The following CACNA2D1 variants were observed in gnomAD, a reference collection of about 807,000 sequenced individuals.
CACNA2D1 encodes the protein calcium voltage-gated channel auxiliary subunit alpha2delta 1.
Under a neutral mutation model 171.5 loss-of-function variants are expected in CACNA2D1, and 53 were observed. The observed-to-expected ratio is 0.31, with a 90% CI of 0.25 to 0.39. CACNA2D1 has a LOEUF of 0.39. CACNA2D1 is among the 10% of genes least tolerant of loss of function. CACNA2D1 has a pLI of 1.00. For missense variants in CACNA2D1, 903 were observed against 1,299.8 expected, an observed-to-expected ratio of 0.69 and a Z score of 4.69; for synonymous variants, 442 against 443.1, an observed-to-expected ratio of 1.00 and a Z score of 0.03.
chr7:82,326,745 C>A lies in CACNA2D1; in HGVS notation c.294+8390G>T, dbSNP rs1456511175. 1.4e-5 allele frequency among the ~76,000 whole-genome samples: 2 copies of A among 145,404 alleles called. 1 individual carries two copies. Among genetic ancestry groups the A allele is most frequent in the African/African-American group, 4.9e-5 (2 of 40,462 alleles). On this transcript the variant is annotated intron_variant, in intron 3 of 38. Transcript: ENST00000356860. ...CTTCTTGTTTCTCCACTGTTCCTTA[C>A]AAACTTACACTTTATCCACATAAAA...
At chr7:82,302,456 G>A (rs1268151984) in intron 3 of CACNA2D1, among the ~76,000 whole-genome samples, 1 of 150,624 alleles carries the variant, frequency 6.6e-6, no homozygotes, top group East Asian at 2.0e-4. Flanking sequence ...TGATGCCCAG[G>A]CTGGAGTGCA....
chr7:82,410,729 T>C (rs1056152929), intron 1 of CACNA2D1, among the ~76,000 whole-genome samples: 8 of 152,210 alleles, frequency 5.3e-5, no homozygotes, highest in Admixed American at 1.3e-4. Context: ...GCAGAATGAA[T>C]TCTTAACACT....
At chr7:82,186,239 G>GAAGA (rs1797746644) in intron 3 of CACNA2D1, among the ~76,000 whole-genome samples, 3 of 109,282 alleles carry the variant, frequency 2.7e-5, no homozygotes, top group South Asian at 3.4e-4. Flanking sequence ...GAGAAGGAAG[G>GAAGA]AAGGAAGGAA....
intron 3 of CACNA2D1, among the ~76,000 whole-genome samples, chr7:82,191,638 T>C (rs1391712119): frequency 6.6e-6 from 1 of 151,706 alleles, no homozygotes; most frequent in African/African-American, 2.4e-5. Context: ...TATTTTTAAA[T>C]CAAAGGAAAA....
intron 3 of CACNA2D1, among the ~76,000 whole-genome samples, chr7:82,327,651 G>A (rs546807399): frequency 6.6e-6 from 1 of 152,260 alleles, no homozygotes; most frequent in East Asian, 1.9e-4. Flanking sequence ...ATGTGGTAGA[G>A]GTCTATGGCC....
intron 3 of CACNA2D1, among the ~76,000 whole-genome samples, chr7:82,263,972 T>C (rs1807478989): frequency 6.6e-6 from 1 of 152,152 alleles, no homozygotes; most frequent in Non-Finnish European, 1.5e-5. Flanking sequence ...GAAAATATTC[T>C]AGTTTAACAT....
intron 2 of CACNA2D1, among the ~76,000 whole-genome samples, chr7:82,336,693 A>G (rs1403040999): frequency 6.6e-6 from 1 of 152,226 alleles, no homozygotes; most frequent in African/African-American, 2.4e-5. Flanking sequence ...CATCCAATGC[A>G]AAGCTTTCTC....
chr7:82,101,452 T>C (rs571656354), intron 6 of CACNA2D1, among the ~76,000 whole-genome samples: 63 of 152,270 alleles, frequency 4.1e-4, no homozygotes, highest in African/African-American at 1.5e-3. Flanking sequence ...CAGATGGAAG[T>C]AATAAGACAA....
At position 82,434,804 on chromosome 7, in the gene CACNA2D1, G is replaced by A. The variant is rs964517267; in HGVS notation, c.95+8561C>T. On this transcript the variant is annotated intron_variant, in intron 1 of 38. Coordinates refer to ENST00000356860, the MANE Select transcript of CACNA2D1 (RefSeq NM_000722.4). ...GAAACCATGCTTCTGTCCCTGACAC[G>A]CTACTTAGACTTCTTTCTTTCATCA... Among the ~76,000 whole-genome samples, 5 of 152,092 alleles carry A rather than the reference G, an allele frequency of 3.3e-5. No homozygotes were observed. The East Asian group carries it at 5.8e-4, about 18-fold the overall frequency.
intron 3 of CACNA2D1, among the ~76,000 whole-genome samples, chr7:82,287,917 G>A (rs1304869646): frequency 6.6e-6 from 1 of 151,336 alleles, no homozygotes; most frequent in African/African-American, 2.4e-5. Flanking sequence ...TGCAAGCTCC[G>A]CCTCCCGGGT....
chr7:81,993,744 A>G (rs1797781598), intron 20 of CACNA2D1, among the ~76,000 whole-genome samples: 1 of 152,140 alleles, frequency 6.6e-6, no homozygotes, highest in African/African-American at 2.4e-5. Flanking sequence ...TCTATTTACA[A>G]TAGTGTGTTC....
In CACNA2D1 at chr7:82,081,638, T is replaced by C. The variant is rs113406854; in HGVS notation, c.658+3131A>G. Reference sequence around the variant, plus strand: ...TATTGTGAGTGGGCACATGGTTGCTTCCACAGCTAATGTTTTGGAAAGACT... The same window carrying C: ...TATTGTGAGTGGGCACATGGTTGCTCCCACAGCTAATGTTTTGGAAAGACT... On this transcript the variant is annotated intron_variant, in intron 7 of 38. Transcript: ENST00000356860. Among the ~76,000 whole-genome samples the C allele has an allele frequency of 3.1e-3, 474 of 152,302 alleles. 4 individuals carry two copies. Among genetic ancestry groups the C allele is most frequent in the African/African-American group, 0.011 (440 of 41,570 alleles).
rs113169319 is a variant in CACNA2D1 at position 82,285,140 on chromosome 7, C to G, written c.294+49995G>C. ...CATGTAAGCCTCCTCTCTGATTCCCCTCTTCCCAGGAGCTCCCCTTGCCCT... is the reference window on the plus strand; with the variant it reads ...CATGTAAGCCTCCTCTCTGATTCCCGTCTTCCCAGGAGCTCCCCTTGCCCT... On this transcript the variant is annotated intron_variant, in intron 3 of 38. Coordinates refer to ENST00000356860, the MANE Select transcript of CACNA2D1 (RefSeq NM_000722.4). 6.6e-4 allele frequency among the ~76,000 whole-genome samples: 101 copies of G among 152,134 alleles called. 1 individual carries two copies. The highest frequency in any genetic ancestry group is 2.2e-3 in the African/African-American group (92 of 41,514).
intron 1 of CACNA2D1, among the ~76,000 whole-genome samples, chr7:82,406,782 T>C (rs940175296): frequency 2.0e-5 from 3 of 152,212 alleles, no homozygotes; most frequent in East Asian, 3.9e-4. Context: ...TCTTTGTAGA[T>C]TCTGGATATT....
At chr7:82,227,946 C>T (rs1040345590) in intron 3 of CACNA2D1, among the ~76,000 whole-genome samples, 17 of 151,968 alleles carry the variant, frequency 1.1e-4, no homozygotes, top group Admixed American at 3.9e-4. Context: ...CTAAAATGAA[C>T]CCCAAGTGTA....
chr7:82,431,068 T>C (rs1829632944), intron 1 of CACNA2D1, among the ~76,000 whole-genome samples: 1 of 152,188 alleles, frequency 6.6e-6, no homozygotes, highest in Non-Finnish European at 1.5e-5. Context: ...ACACTGGTTT[T>C]GTCCTTAACC....
At chr7:82,098,901 A>C (rs561773958) in intron 6 of CACNA2D1, among the ~76,000 whole-genome samples, 57 of 152,284 alleles carry the variant, frequency 3.7e-4, no homozygotes, top group African/African-American at 1.4e-3. Flanking sequence ...TAAAACTATA[A>C]ATGACTTTTC....
At chr7:82,278,253 T>G (rs1293956354) in intron 3 of CACNA2D1, among the ~76,000 whole-genome samples, 1 of 152,110 alleles carries the variant, frequency 6.6e-6, no homozygotes, top group Non-Finnish European at 1.5e-5. Flanking sequence ...CATCACTGAT[T>G]ACCTAATATA....
chr7:82,111,364 GTATA>G (rs1319046527), intron 6 of CACNA2D1, among the ~76,000 whole-genome samples: 1 of 105,460 alleles, frequency 9.5e-6, no homozygotes, highest in Non-Finnish European at 2.0e-5. Context: ...GTGTATATAT[GTATA>G]TATATATTCA....
Sources: allele counts gnomAD v4.1 joint callset (sites outside exome capture counted in the v4.1 genomes callset), GRCh38; gene constraint gnomAD v4.1.1; transcripts MANE v1.5; gene names NCBI Gene and HGNC (gene_info 2026-07-23, HGNC 2026-07-21).